Variants in FRY observed in about 807,000 individuals in gnomAD.
The protein encoded by FRY is FRY microtubule binding protein.
In FRY, 128 loss-of-function variants were observed where a neutral mutation model predicts 348.4. That is an observed-to-expected ratio of 0.37 (90% confidence interval 0.32 to 0.43). FRY has a LOEUF of 0.43. Among genes scored for constraint, FRY ranks in the 20% least tolerant of loss-of-function variants. The pLI is 1.00. For synonymous variants in FRY, 1,370 were observed against 1,374.7 expected, an observed-to-expected ratio of 1.00 and a Z score of 0.08; for missense variants, 2,736 against 3,695.2, an observed-to-expected ratio of 0.74 and a Z score of 6.73.
chr13:32,283,906 CA>C (rs572111535), intron 58 of FRY, among the ~76,000 whole-genome samples: 70 of 152,308 alleles, frequency 4.6e-4, no homozygotes, highest in African/African-American at 1.6e-3. Context: ...TGGTTTCCAC[CA>C]ACCTCTCCAT....
At chr13:32,270,644 C>T (rs1370093758) in intron 55 of FRY, among the ~76,000 whole-genome samples, 1 of 152,198 alleles carries the variant, frequency 6.6e-6, no homozygotes, top group Non-Finnish European at 1.5e-5. Flanking sequence ...CTAGAACGGT[C>T]ATCTCCCCTT....
intron 29 of FRY, among the ~76,000 whole-genome samples, chr13:32,201,505 A>C (rs1884027668): frequency 6.6e-6 from 1 of 152,204 alleles, no homozygotes; most frequent in South Asian, 2.1e-4. Context: ...GTTGTTCCTG[A>C]TAGTTGTTTG....
At chr13:32,035,577 G>T (rs989484227) in intron 1 of FRY, among the ~76,000 whole-genome samples, 1 of 152,154 alleles carries the variant, frequency 6.6e-6, no homozygotes, top group South Asian at 2.1e-4. Context: ...TAATCTGAAA[G>T]CTCTAAAGGG....
At chr13:32,134,849 C>A in intron 8 of FRY, 55 bp from the exon 9 acceptor site, 3 of 1,029,216 alleles carry the variant, frequency 2.9e-6, no homozygotes, top group South Asian at 1.3e-5. Context: ...TAAATACATT[C>A]TATGTGTACA....
intron 49 of FRY, among the ~76,000 whole-genome samples, chr13:32,249,986 C>G (rs1404897756): frequency 6.6e-6 from 1 of 152,224 alleles, no homozygotes; most frequent in East Asian, 1.9e-4. Context: ...TTCTGCCCCT[C>G]TGCCACTCTC....
At chr13:32,148,537 T>C (rs1880597585) in intron 13 of FRY, among the ~76,000 whole-genome samples, 1 of 152,230 alleles carries the variant, frequency 6.6e-6, no homozygotes, top group African/African-American at 2.4e-5. Flanking sequence ...GTTTTACTTT[T>C]CAAAACACTT....
intron 1 of FRY, among the ~76,000 whole-genome samples, chr13:32,071,176 G>A (rs558099378): frequency 2.7e-4 from 41 of 152,148 alleles, no homozygotes; most frequent in Non-Finnish European, 4.1e-4. Context: ...TTTTGCTTAG[G>A]ATTGTCTCGG....
intron 55 of FRY, among the ~76,000 whole-genome samples, 180 bp from the exon 56 acceptor site, chr13:32,274,662 C>G (rs1396778430): frequency 1.4e-5 from 2 of 141,414 alleles, no homozygotes; most frequent in East Asian, 2.1e-4. Flanking sequence ...CGAGATCGCG[C>G]CACTGCACTC....
chr13:32,066,276 C>G (rs528278949), intron 1 of FRY, among the ~76,000 whole-genome samples: 1 of 152,290 alleles, frequency 6.6e-6, no homozygotes, highest in East Asian at 1.9e-4. Flanking sequence ...TTAACTTGTT[C>G]TGTATCTGCA....
intron 1 of FRY, among the ~76,000 whole-genome samples, chr13:32,043,137 G>T (rs1347989782): frequency 6.6e-6 from 1 of 152,170 alleles, no homozygotes; most frequent in Non-Finnish European, 1.5e-5. Flanking sequence ...GCAAGAGAGA[G>T]AATGAGAGCC....
intron 3 of FRY, among the ~76,000 whole-genome samples, chr13:32,114,467 A>T (rs534294953): frequency 6.6e-6 from 1 of 152,256 alleles, no homozygotes; most frequent in Admixed American, 6.5e-5. Context: ...CATTATTGTT[A>T]ACTAAACTCT....
intron 12 of FRY, 57 bp downstream of exon 12, chr13:32,147,442 T>G: frequency 2.2e-6 from 2 of 923,392 alleles, no homozygotes; most frequent in Non-Finnish European, 3.6e-6. Flanking sequence ...CAGAGGGTGT[T>G]TCTTTTATTA....
chr13:32,124,279 TTTA>T lies in FRY; in HGVS notation c.465-6_465-4del. 6.5e-7 allele frequency: 1 copy of T among 1,541,862 alleles called. No homozygotes were observed. Among genetic ancestry groups the T allele is most frequent in the Non-Finnish European group, 9.0e-7 (1 of 1,114,154 alleles). On this transcript the variant is annotated splice_polypyrimidine_tract_variant and splice_region_variant and intron_variant, in intron 4 of 60. Coordinates refer to ENST00000542859, the MANE Select transcript of FRY (RefSeq NM_023037.3). ...GTGCTTTAATGTAAATATTTTAAAT[TTTA>T]CAGCGATGAACAACAGCGAGATTAT...
chr13:32,177,696 C>G (rs1882454004), intron 20 of FRY, among the ~76,000 whole-genome samples: 1 of 152,110 alleles, frequency 6.6e-6, no homozygotes, highest in Non-Finnish European at 1.5e-5. Flanking sequence ...TTAGCCATCT[C>G]TCTAAATCAA....
Position 32,268,579 on chromosome 13 carries a change from A to T in FRY, c.8136+1220A>T, listed in dbSNP as rs1434791152. Among the ~76,000 whole-genome samples the T allele has an allele frequency of 8.3e-5, 12 of 145,354 alleles. No individual in the cohort carries two copies. The Admixed American group carries it at 8.5e-4, about 10-fold the overall frequency. ...CTTTTTTTAAAATGCCTAGAAAATAATGAAAATTATACACCAGAATATCAT... is the reference window on the plus strand; with the variant it reads ...CTTTTTTTAAAATGCCTAGAAAATATTGAAAATTATACACCAGAATATCAT... On this transcript the variant is annotated intron_variant, in intron 55 of 60. Transcript: ENST00000542859.
chr13:32,067,640 G>A (rs1874347266), intron 1 of FRY, among the ~76,000 whole-genome samples: 4 of 152,132 alleles, frequency 2.6e-5, no homozygotes, highest in Admixed American at 2.6e-4. Context: ...TACATTTTCA[G>A]GGCATACTTT....
chr13:32,155,013 A>G (rs1881027023), intron 14 of FRY, among the ~76,000 whole-genome samples: 2 of 152,224 alleles, frequency 1.3e-5, no homozygotes, highest in African/African-American at 4.8e-5. Context: ...TGGCCTTTGT[A>G]AATCAGAAGT....
At chr13:32,257,364 T>C (rs1259749962) in intron 51 of FRY, among the ~76,000 whole-genome samples, 1 of 152,210 alleles carries the variant, frequency 6.6e-6, no homozygotes, top group Non-Finnish European at 1.5e-5. Flanking sequence ...AGCACAGTTG[T>C]CAAAAAAAGA....
intron 1 of FRY, among the ~76,000 whole-genome samples, chr13:32,066,660 A>G (rs554387880): frequency 6.6e-6 from 1 of 152,186 alleles, no homozygotes; most frequent in South Asian, 2.1e-4. Context: ...TAGTCTTCTC[A>G]TGGTAGGTGC....
Sources: gnomAD v4.1 joint callset for allele counts (sites outside exome capture counted in the v4.1 genomes callset) on GRCh38, gnomAD v4.1.1 for gene constraint, MANE v1.5 for transcripts, NCBI Gene and HGNC (gene_info 2026-07-23, HGNC 2026-07-21) for gene names.